The following FBXL17 variants were observed in gnomAD, a reference collection of about 807,000 sequenced individuals.
FBXL17 encodes F-box and leucine rich repeat protein 17.
A neutral mutation model predicts 66.2 loss-of-function variants in FBXL17; 22 were observed. The observed-to-expected ratio is 0.33, with a 90% CI of 0.24 to 0.47. FBXL17 has a LOEUF of 0.47. Among genes scored for constraint, FBXL17 ranks in the 20% least tolerant of loss-of-function variants. The probability of loss-of-function intolerance (pLI) is 1.00; values close to 1 mark genes in which losing one functional copy is unlikely to be tolerated. For missense variants in FBXL17, 878 were observed against 948.2 expected (o/e 0.93, Z 0.97); for synonymous variants, 474 against 400.5 (o/e 1.18, Z -2.19).
intron 6 of FBXL17, among the ~76,000 whole-genome samples, 164 bp from the exon 7 acceptor site, chr5:108,021,165 C>G (rs1754585358): frequency 6.6e-6 from 1 of 151,602 alleles, no homozygotes; most frequent in Non-Finnish European, 1.5e-5. Flanking sequence ...GCTGTCATAC[C>G]TAAATGACTT....
intron 6 of FBXL17, among the ~76,000 whole-genome samples, chr5:108,081,650 G>T (rs897622429): frequency 6.6e-6 from 1 of 152,134 alleles, no homozygotes; most frequent in Admixed American, 6.5e-5. Flanking sequence ...GTGAACCCGG[G>T]AGGCGGAGCT....
intron 4 of FBXL17, among the ~76,000 whole-genome samples, chr5:108,318,438 CT>C (rs991954152): frequency 5.3e-5 from 8 of 151,758 alleles, no homozygotes; most frequent in African/African-American, 1.9e-4. Context: ...TAATCCAATA[CT>C]GTTAAAAAAC....
chr5:108,099,043 A>G (rs1327373470), intron 6 of FBXL17, among the ~76,000 whole-genome samples: 2 of 152,238 alleles, frequency 1.3e-5, no homozygotes, highest in African/African-American at 2.4e-5. Context: ...TGCTTACTCA[A>G]TAGTTACCAG....
chr5:108,183,032 CTATTTTT>C (rs1204273348), intron 6 of FBXL17, among the ~76,000 whole-genome samples: 1 of 115,726 alleles, frequency 8.6e-6, no homozygotes, highest in Non-Finnish European at 1.7e-5. Flanking sequence ...AAACAGTTTT[CTATTTTT>C]TTTTTTTTTT....
intron 6 of FBXL17, among the ~76,000 whole-genome samples, chr5:108,041,918 C>T (rs288150): frequency 0.78 from 117,882 of 152,016 alleles, 46,087 homozygotes; most frequent in East Asian, 0.93. Context: ...AGGGGTTTTT[C>T]TGAGATGGAG....
chr5:108,107,074 T>C (rs1749827356), intron 6 of FBXL17, among the ~76,000 whole-genome samples: 1 of 152,258 alleles, frequency 6.6e-6, no homozygotes, highest in East Asian at 1.9e-4. Context: ...CTGAGCTTAA[T>C]TTTATTTATT....
intron 3 of FBXL17, among the ~76,000 whole-genome samples, chr5:108,350,869 G>C (rs1042109762): frequency 1.3e-5 from 2 of 152,142 alleles, no homozygotes; most frequent in African/African-American, 4.8e-5. Context: ...TACACCAAGG[G>C]AAAGAAAACA....
rs145772061 is a variant in FBXL17 at position 107,895,821 on chromosome 5, G to A, written c.1823-14642C>T. On this transcript the variant is annotated intron_variant, in intron 7 of 8. Coordinates refer to ENST00000542267, the MANE Select transcript of FBXL17 (RefSeq NM_001163315.3). ...AAAACCTATTATTTCCTTTATGCAG[G>A]CACACATTTCCTCCCAGGTTTCTAT... 2.1e-3 allele frequency among the ~76,000 whole-genome samples: 325 copies of A among 152,186 alleles called. 2 individuals carry two copies. Among genetic ancestry groups the A allele is most frequent in the African/African-American group, 7.5e-3 (313 of 41,522 alleles).
At chr5:108,284,877 T>A (rs969039840) in intron 4 of FBXL17, among the ~76,000 whole-genome samples, 3 of 151,850 alleles carry the variant, frequency 2.0e-5, no homozygotes, top group Non-Finnish European at 4.4e-5. Flanking sequence ...CAGTGTTTGA[T>A]GTATCAATGA....
intron 4 of FBXL17, among the ~76,000 whole-genome samples, chr5:108,331,767 C>T (rs1258079425): frequency 1.3e-5 from 2 of 152,078 alleles, no homozygotes; most frequent in African/African-American, 4.8e-5. Context: ...AACAGAGTAA[C>T]TCTTCTAACC....
intron 7 of FBXL17, among the ~76,000 whole-genome samples, chr5:107,958,516 T>G (rs1015158999): frequency 6.6e-6 from 1 of 152,224 alleles, no homozygotes; most frequent in African/African-American, 2.4e-5. Flanking sequence ...TTCTATAGTT[T>G]GCCAGCCAGA....
rs181801069 is a variant in FBXL17 at position 108,372,269 on chromosome 5, A to T, written c.994-4316T>A. On this transcript the variant is annotated intron_variant, in intron 1 of 8. Coordinates refer to ENST00000542267, the MANE Select transcript of FBXL17 (RefSeq NM_001163315.3). ...TAAAATTACTGAGTCTGTGGACTGA[A>T]GGAAAATGAACATACATGTGGAACC... Among the ~76,000 whole-genome samples, 15 of 152,350 alleles carry T rather than the reference A, an allele frequency of 9.8e-5. No individual in the cohort carries two copies. The East Asian group carries it at 2.7e-3, about 27-fold the overall frequency.
intron 7 of FBXL17, among the ~76,000 whole-genome samples, chr5:107,997,493 C>A (rs549111986): frequency 1.3e-5 from 2 of 152,318 alleles, no homozygotes; most frequent in South Asian, 2.1e-4. Flanking sequence ...AATGAGGGAA[C>A]AGTGCTTCTC....
At chr5:108,328,696 A>G (rs976699470) in intron 4 of FBXL17, among the ~76,000 whole-genome samples, 5 of 149,000 alleles carry the variant, frequency 3.4e-5, no homozygotes, top group Admixed American at 2.0e-4. Flanking sequence ...GAATTTTATA[A>G]TATGCACTTT....
intron 6 of FBXL17, among the ~76,000 whole-genome samples, chr5:108,076,800 C>T (rs1282797774): frequency 1.3e-5 from 2 of 152,174 alleles, no homozygotes; most frequent in African/African-American, 2.4e-5. Flanking sequence ...ACCACCTATT[C>T]CCTCTGAGGG....
intron 6 of FBXL17, among the ~76,000 whole-genome samples, chr5:108,137,034 C>T (rs1004159182): frequency 1.3e-5 from 2 of 152,050 alleles, no homozygotes; most frequent in African/African-American, 4.8e-5. Flanking sequence ...AGGGTAATAA[C>T]ATTTAAAAAT....
chr5:108,110,634 C>T (rs1346471202), intron 6 of FBXL17, among the ~76,000 whole-genome samples: 1 of 152,002 alleles, frequency 6.6e-6, no homozygotes, highest in Non-Finnish European at 1.5e-5. Context: ...GAGTAATGTA[C>T]AATTTTTTCA....
intron 4 of FBXL17, among the ~76,000 whole-genome samples, chr5:108,293,004 C>T (rs1484973235): frequency 1.3e-5 from 2 of 149,218 alleles, no homozygotes; most frequent in East Asian, 2.0e-4. Flanking sequence ...GGCAGAATGG[C>T]GTGAACCCGG....
intron 7 of FBXL17, among the ~76,000 whole-genome samples, chr5:107,905,128 A>C (rs2112538095): frequency 6.6e-6 from 1 of 152,290 alleles, no homozygotes; most frequent in African/African-American, 2.4e-5. Context: ...TGCTTCAAAT[A>C]GTAATTTTAA....
Sources: allele counts gnomAD v4.1 joint callset (sites outside exome capture counted in the v4.1 genomes callset), GRCh38; gene constraint gnomAD v4.1.1; transcripts MANE v1.5; gene names NCBI Gene and HGNC (gene_info 2026-07-23, HGNC 2026-07-21).